HNF1A: variants seen among roughly 807,000 people sequenced by gnomAD.
The protein encoded by HNF1A is hepatocyte nuclear factor 1-alpha.
HNF1A carries 21 observed loss-of-function variants against 62.2 expected under a neutral mutation model. The ratio of observed to expected loss-of-function variants is 0.34; its 90% CI spans 0.24 to 0.49. The LOEUF (loss-of-function observed/expected upper bound fraction) is 0.49, where lower values mean the gene tolerates loss of function less well. HNF1A is among the 20% of genes least tolerant of loss of function. HNF1A has a pLI of 0.99. For synonymous variants in HNF1A, 374 were observed against 366.8 expected (o/e 1.02, Z -0.22); for missense variants, 687 against 832.3 (o/e 0.83, Z 2.15).
intron 1 of HNF1A, among the ~76,000 whole-genome samples, chr12:120,986,543 G>C (rs1876517920): frequency 6.6e-6 from 1 of 152,160 alleles, no homozygotes; most frequent in Non-Finnish European, 1.5e-5. Context: ...CTGTTTCAGT[G>C]CTGCTGTATT....
At chr12:120,992,318 C>A (rs1278306139) in intron 2 of HNF1A, among the ~76,000 whole-genome samples, 1 of 152,176 alleles carries the variant, frequency 6.6e-6, no homozygotes, top group Non-Finnish European at 1.5e-5. Flanking sequence ...AGCTTAGCAA[C>A]CTTGGAAGGA....
chr12:120,999,229 C>T, intron 7 of HNF1A, 39 bp from the exon 8 acceptor site: 2 of 1,613,138 alleles, frequency 1.2e-6, no homozygotes, highest in Non-Finnish European at 1.7e-6. Flanking sequence ...GGCTGTCAGG[C>T]ACGTCTGCCA....
rs1877103634 is a variant in HNF1A, at chr12:120,996,481, C to T, written c.1108-60C>T. The T allele has an allele frequency of 4.3e-6, 7 of 1,613,168 alleles. No individual in the cohort carries two copies. The highest frequency in any genetic ancestry group is 5.9e-6 in the Non-Finnish European group (7 of 1,179,732). Reference sequence around the variant, plus strand: ...CTTGGCAGGGAGATTCTGGAGCAGTCCCTAGGGAGGCCCTGTGGGGACCCC... The same window carrying T: ...CTTGGCAGGGAGATTCTGGAGCAGTTCCTAGGGAGGCCCTGTGGGGACCCC... On this transcript the variant is annotated intron_variant, in intron 5 of 9. Coordinates refer to ENST00000257555, the MANE Select transcript of HNF1A (RefSeq NM_000545.8). This position sits in a 1 kb window ranked among gnomAD's most constrained non-coding sequence, Gnocchi z 4.5.
At chr12:120,988,535 G>A (rs1405767680) in intron 1 of HNF1A, among the ~76,000 whole-genome samples, 1 of 152,188 alleles carries the variant, frequency 6.6e-6, no homozygotes, top group Non-Finnish European at 1.5e-5. Flanking sequence ...GTGTATCCAT[G>A]TTTCTAAACC....
At chr12:120,992,944 C>T (rs1876904892) in intron 2 of HNF1A, among the ~76,000 whole-genome samples, 1 of 152,146 alleles carries the variant, frequency 6.6e-6, no homozygotes, top group African/African-American at 2.4e-5. Context: ...ACTTGTGTGT[C>T]CCAGTCCTTT....
At chr12:120,994,633 C>T (rs1324898289) in intron 4 of HNF1A, among the ~76,000 whole-genome samples, 1 of 151,094 alleles carries the variant, frequency 6.6e-6, no homozygotes, top group Non-Finnish European at 1.5e-5. Flanking sequence ...CACAATTAAC[C>T]CCATTCCATC....
At position 121,001,945 on chromosome 12, in the gene HNF1A, C is replaced by T. The variant is rs1234860721; in HGVS notation, c.*753C>T. The T allele has an allele frequency of 1.9e-6, 1 of 528,280 alleles. No individual in the cohort carries two copies. The highest frequency in any genetic ancestry group is 1.9e-5 in the African/African-American group (1 of 53,740). The allele number at this position is 528,280 out of a possible 1,614,324, so 32.7% of individuals were successfully genotyped here. A position where few individuals can be genotyped will look rare whatever the true frequency, so the allele number is the denominator to read the frequency against. On this transcript the variant is annotated 3_prime_UTR_variant, in exon 10 of 10. Transcript: ENST00000257555. The stretch of plus-strand genomic sequence containing the variant: ...ATCATGCCTCTGAGGCCAGCCTGGC[C>T]TCCTGCCTCTACTGGGAAGGCTACT...
In HNF1A at chr12:120,996,231, T is replaced by C. The variant is rs1339324167; in HGVS notation, c.956-31T>C. ...GGCAGGGGAGGGCAGGGAAGTGGGG[T>C]GCTGAGGCAGGACACTGCTTCCCTC... On this transcript the variant is annotated intron_variant, in intron 4 of 9. Coordinates refer to ENST00000257555, the MANE Select transcript of HNF1A (RefSeq NM_000545.8). The surrounding 1 kb of genome is among the most constrained non-coding windows in gnomAD (Gnocchi z 4.5). 10 of 1,612,676 alleles carry C rather than the reference T, an allele frequency of 6.2e-6. No individual in the cohort carries two copies. Among genetic ancestry groups the C allele is most frequent in the Non-Finnish European group, 8.5e-6 (10 of 1,179,850 alleles).
At position 120,999,532 on chromosome 12, in the gene HNF1A, C is replaced by T. The variant is rs772367034; in HGVS notation, c.1673C>T (p.Pro558Leu). The change falls in exon 9 of 10, where the codon CCG becomes CTG. Residue 558 changes from proline (P) to leucine (L), a missense_variant. By Grantham distance (98) the Pro-to-Leu change is moderately conservative (BLOSUM62 -3). Around this residue, in one of 5 missense-constraint regions of HNF1A, gnomAD observed 408 missense variants for 455.3 expected, o/e 0.90. Coordinates refer to ENST00000257555, the MANE Select transcript of HNF1A (RefSeq NM_000545.8). The stretch of plus-strand genomic sequence containing the variant: ...TCCAGTGAGTCCGGGCTTCACACGC[C>T]GGCATCTCAGGCCACCACCCTCCAC... ...EASSESGLHT[P>L]ASQATTLHVP... 23 of 1,613,316 alleles carry T rather than the reference C, an allele frequency of 1.4e-5. No individual in the cohort carries two copies. Among genetic ancestry groups the T allele is most frequent in the East Asian group, 2.2e-5 (1 of 44,882 alleles).
At position 120,996,765 on chromosome 12, in the gene HNF1A, G is replaced by A. The variant is rs1877125003; in HGVS notation, c.1309+23G>A. The A allele has an allele frequency of 6.2e-7, 1 of 1,612,484 alleles. No individual in the cohort carries two copies. Among genetic ancestry groups the A allele is most frequent in the South Asian group, 1.1e-5 (1 of 90,678 alleles). On this transcript the variant is annotated intron_variant, in intron 6 of 9. Coordinates refer to ENST00000257555, the MANE Select transcript of HNF1A (RefSeq NM_000545.8). This position sits in a 1 kb window ranked among gnomAD's most constrained non-coding sequence, Gnocchi z 4.5. ...TCGGTAAGCTGGTGGGGATGGGTGG[G>A]CACCTGGGTGGGAGGCTCATGGGGC...
chr12:120,999,210 T>C (rs991026440), intron 7 of HNF1A, 58 bp from the exon 8 acceptor site: 13 of 1,608,416 alleles, frequency 8.1e-6, no homozygotes, highest in Non-Finnish European at 1.1e-5. Context: ...TCTTGAGGCC[T>C]GGGACTAGGG....
rs369953402 is a variant in HNF1A, at chr12:121,001,165, C to T, written c.1869C>T (p.Ser623=). The T allele has an allele frequency of 3.4e-5, 55 of 1,614,116 alleles. No homozygotes were observed. Among genetic ancestry groups the T allele is most frequent in the South Asian group, 7.7e-5 (7 of 91,078 alleles). Reference sequence around the variant, plus strand: ...ACAGCGTCATCGAGACCTTCATCTCCACCCAGATGGCCTCTTCCTCCCAGT... The same window carrying T: ...ACAGCGTCATCGAGACCTTCATCTCTACCCAGATGGCCTCTTCCTCCCAGT... ...SNHSVIETFI[S]TQMASSSQ Residue 623 remains serine, a synonymous_variant, in exon 10 of 10, where the codon TCC becomes TCT. Transcript: ENST00000257555.
intron 1 of HNF1A, among the ~76,000 whole-genome samples, chr12:120,987,607 T>TATAC (rs758973418): frequency 6.7e-6 from 1 of 150,090 alleles, no homozygotes; most frequent in Non-Finnish European, 1.5e-5. Flanking sequence ...TATATATATA[T>TATAC]ACACATATAT....
At position 120,996,584 on chromosome 12, in the gene HNF1A, C is replaced by T; in HGVS notation, c.1151C>T (p.Thr384Ile). 5 of 1,614,084 alleles carry T rather than the reference C, an allele frequency of 3.1e-6. No homozygotes were observed. Among genetic ancestry groups the T allele is most frequent in the East Asian group, 2.2e-5 (1 of 44,870 alleles). ...CCCCTCCCCCCTGTCAGCACCCTGACAGCACTGCACAGCTTGGAGCAGACA... is the reference window on the plus strand; with the variant it reads ...CCCCTCCCCCCTGTCAGCACCCTGATAGCACTGCACAGCTTGGAGCAGACA... ...GGPLPPVSTL[T>I]ALHSLEQTSP... The change falls in exon 6 of 10, where the codon ACA (threonine) becomes ATA (isoleucine). Residue 384 changes from threonine to isoleucine, a missense_variant. Physicochemically the swap from Thr to Ile is moderately conservative, Grantham distance 89. This residue lies in a region of HNF1A where 408 missense variants were observed against 455.3 expected (regional missense o/e 0.90). Transcript: ENST00000257555. This position sits in a 1 kb window ranked among gnomAD's most constrained non-coding sequence, Gnocchi z 4.5.
At chr12:120,979,384 A>G (rs543917128) in intron 1 of HNF1A, among the ~76,000 whole-genome samples, 1 of 152,366 alleles carries the variant, frequency 6.6e-6, no homozygotes, top group African/African-American at 2.4e-5. Context: ...GAGAAAAAGC[A>G]GGTGAGTTCA....
At position 120,997,521 on chromosome 12, in the gene HNF1A, G is replaced by GGCA. The variant is rs762045412; in HGVS notation, c.1363_1365dup (p.Ser455dup). 6.2e-6 allele frequency: 10 copies of GGCA among 1,613,244 alleles called. No homozygotes were observed. The highest frequency in any genetic ancestry group is 8.5e-6 in the Non-Finnish European group (10 of 1,179,972). ...GAGTGTGCCGGTCATCAACAGCATG[G>GGCA]GCAGCAGCCTGACCACCCTGCAGCC... On this transcript the variant is annotated inframe_insertion, in exon 7 of 10. Coordinates refer to ENST00000257555, the MANE Select transcript of HNF1A (RefSeq NM_000545.8).
At chr12:120,991,988 T>C (rs943852417) in intron 2 of HNF1A, among the ~76,000 whole-genome samples, 22 of 152,232 alleles carry the variant, frequency 1.4e-4, no homozygotes, top group Admixed American at 1.4e-3. Context: ...CCCAAATAGC[T>C]TTCCCTGGGG....
At chr12:121,000,882 G>A in intron 9 of HNF1A, 183 bp from the exon 10 acceptor site, 1 of 771,464 alleles carries the variant, frequency 1.3e-6, no homozygotes. Context: ...GGCGGCCGTG[G>A]ACCCTGGCTG....
intron 7 of HNF1A, chr12:120,997,871 G>A (rs1159531235): frequency 2.8e-6 from 2 of 712,924 alleles, no homozygotes; most frequent in Admixed American, 2.0e-5. Flanking sequence ...TGTGTGAGCA[G>A]ATCCCTAGTG....
Sources: gnomAD v4.1 joint callset for allele counts (sites outside exome capture counted in the v4.1 genomes callset) on GRCh38, gnomAD v4.1.1 for gene constraint, gnomAD v4.1.1 regional missense constraint, Gnocchi (gnomAD v3.1) non-coding constraint, MANE v1.5 for transcripts, NCBI Gene and HGNC (gene_info 2026-07-23, HGNC 2026-07-21) for gene names.